The following EIF4E3 variants were observed in gnomAD, a reference collection of about 807,000 sequenced individuals.
EIF4E3 encodes eukaryotic translation initiation factor 4E family member 3.
Under a neutral mutation model 31.7 loss-of-function variants are expected in EIF4E3, and 26 were observed. The ratio of observed to expected loss-of-function variants is 0.82; its 90% confidence interval spans 0.60 to 1.14. EIF4E3 has a LOEUF of 1.14. EIF4E3 is among the 50% of genes most tolerant of loss of function. The probability of loss-of-function intolerance (pLI) is 0.00; values close to 1 mark genes in which losing one functional copy is unlikely to be tolerated. For synonymous variants in EIF4E3, 128 were observed against 107.7 expected (o/e 1.19, Z -1.17); for missense variants, 304 against 270.9 (o/e 1.12, Z -0.86).
At chr3:71,661,838 C>T in the EIF4E3 span, among the ~76,000 whole-genome samples, 3 of 152,208 alleles carry the variant, frequency 2.0e-5, no homozygotes, top group South Asian at 2.1e-4. Context: ...ATGCTTAACA[C>T]GAGTCTGGCA....
At position 71,682,729 on chromosome 3, in the gene EIF4E3, G is replaced by A. The variant is rs564544324; in HGVS notation, c.*1953C>T. 6.5e-6 allele frequency: 1 copy of A among 152,728 alleles called. No individual in the cohort carries two copies. Among genetic ancestry groups the A allele is most frequent in the African/African-American group, 2.4e-5 (1 of 41,564 alleles). The allele number at this position is 152,728 out of a possible 1,614,324, so 9.5% of individuals were successfully genotyped here. On this transcript the variant is annotated 3_prime_UTR_variant, in exon 7 of 7. Transcript: ENST00000425534. ...AAACAGAAACTAGAAATATTAACGT[G>A]AGCCTAACATTCCTATTTATTTTTA...
rs1425526337 is a variant in EIF4E3 at position 71,716,596 on chromosome 3, ATGT to A, written c.177-6115_177-6113del. On this transcript the variant is annotated intron_variant, in intron 1 of 6. Coordinates refer to ENST00000425534, the MANE Select transcript of EIF4E3 (RefSeq NM_001134651.2). ...CCAATAATTGAAAAGACCACATATC[ATGT>A]TGTACATGCATACATGATCTCCTTT... is the stretch of plus-strand genomic sequence containing the variant. Among the ~76,000 whole-genome samples the A allele has an allele frequency of 3.3e-5, 5 of 152,256 alleles. No individual in the cohort carries two copies. In the East Asian group the frequency reaches 9.6e-4, roughly 29 times the overall value.
rs1010892142 is a variant in EIF4E3 at position 71,679,301 on chromosome 3, T to C, written c.*5381A>G. On this transcript the variant is annotated 3_prime_UTR_variant, in exon 7 of 7. Transcript: ENST00000425534. ...ACACTCAATTTACTTCATGTTCAGT[T>C]CTATAATGCAAAGTTGACACTTTAA... is the stretch of plus-strand genomic sequence containing the variant. 7 of 152,212 alleles carry C rather than the reference T, an allele frequency of 4.6e-5. No individual in the cohort carries two copies. Among genetic ancestry groups the C allele is most frequent in the African/African-American group, 1.7e-4 (7 of 41,456 alleles). The allele number at this position is 152,212 out of a possible 1,614,324, so 9.4% of individuals were successfully genotyped here.
rs192827019 is a variant in EIF4E3 at position 71,687,396 on chromosome 3, T to C, written c.628+2614A>G. On this transcript the variant is annotated intron_variant, in intron 6 of 6. Transcript: ENST00000425534. ...ATTGCTCTATGCTGATAAAACTTTA[T>C]TTATGGACACTAAAATTTGATATTC... Among the ~76,000 whole-genome samples the C allele has an allele frequency of 2.5e-3, 383 of 152,358 alleles. 7 individuals carry two copies. Among genetic ancestry groups the C allele is most frequent in the Admixed American group, 0.021 (318 of 15,308 alleles).
chr3:71,754,453 C>G, upstream of EIF4E3: 1 of 1,336,996 alleles, frequency 7.5e-7, no homozygotes, highest in Non-Finnish European at 9.6e-7. This position sits in a 1 kb window ranked among gnomAD's most constrained non-coding sequence, Gnocchi z 5.8. Context: ...GAGCGCCTGG[C>G]CGGCTGGCCG....
intron 1 of EIF4E3, among the ~76,000 whole-genome samples, chr3:71,734,456 T>C (rs534820844): frequency 1.3e-5 from 2 of 152,310 alleles, no homozygotes; most frequent in East Asian, 3.9e-4. Context: ...CATGTCTGCT[T>C]GCCTTATTGG....
intron 5 of EIF4E3, among the ~76,000 whole-genome samples, chr3:71,691,493 G>GT (rs1298905359): frequency 1.2e-4 from 18 of 152,054 alleles, no homozygotes; most frequent in Admixed American, 9.8e-4. Flanking sequence ...GTCCACTTAC[G>GT]TAAATACTCA....
intron 1 of EIF4E3, among the ~76,000 whole-genome samples, chr3:71,710,961 A>T (rs2049370318): frequency 6.6e-6 from 1 of 152,216 alleles, no homozygotes; most frequent in African/African-American, 2.4e-5. Context: ...TGCCTACTTT[A>T]AAAAAAGTCA....
chr3:71,674,002 T>C (rs1000561456), downstream of EIF4E3, among the ~76,000 whole-genome samples: 4 of 147,056 alleles, frequency 2.7e-5, no homozygotes, highest in African/African-American at 7.5e-5. Context: ...AGTGACAAGT[T>C]TGAGTGTCTG....
chr3:71,685,498 G>A (rs1271571339), intron 6 of EIF4E3, among the ~76,000 whole-genome samples: 1 of 152,122 alleles, frequency 6.6e-6, no homozygotes. Context: ...GAGTAGCTGG[G>A]ATACAGGCGT....
At chr3:71,670,984 G>C (rs1329090143), downstream of EIF4E3, among the ~76,000 whole-genome samples, 2 of 152,072 alleles carry the variant, frequency 1.3e-5, no homozygotes, top group Admixed American at 6.6e-5. Context: ...CCCCAAGCGC[G>C]GAGAATGGGT....
At chr3:71,668,557 AAAC>A in the EIF4E3 span, among the ~76,000 whole-genome samples, 1 of 152,098 alleles carries the variant, frequency 6.6e-6, no homozygotes, top group Non-Finnish European at 1.5e-5. Context: ...AAGAAAAAAA[AAAC>A]AACCCCATCA....
intron 5 of EIF4E3, among the ~76,000 whole-genome samples, chr3:71,691,468 T>C (rs1426055578): frequency 6.6e-6 from 1 of 152,214 alleles, no homozygotes; most frequent in African/African-American, 2.4e-5. Flanking sequence ...GTGTATGACT[T>C]GACACTAAAA....
chr3:71,687,251 C>T (rs1426064255), intron 6 of EIF4E3, among the ~76,000 whole-genome samples: 1 of 152,134 alleles, frequency 6.6e-6, no homozygotes, highest in African/African-American at 2.4e-5. Context: ...ATCTGCCTGC[C>T]TCGGCCTCCC....
chr3:71,694,681 G>A (rs1031531930), intron 4 of EIF4E3, among the ~76,000 whole-genome samples: 3 of 152,148 alleles, frequency 2.0e-5, no homozygotes, highest in African/African-American at 7.2e-5. Context: ...GTGATTCACA[G>A]GCTCCAAATT....
chr3:71,674,223 C>T (rs188826297), downstream of EIF4E3, among the ~76,000 whole-genome samples: 24 of 149,332 alleles, frequency 1.6e-4, 1 homozygote, highest in African/African-American at 3.4e-4. Context: ...TCTTATGCCT[C>T]GGCCTCCTGA....
intron 2 of EIF4E3, among the ~76,000 whole-genome samples, chr3:71,699,979 C>T (rs1161538600): frequency 6.6e-6 from 1 of 152,134 alleles, no homozygotes; most frequent in Non-Finnish European, 1.5e-5. Flanking sequence ...TCGAGACCAA[C>T]CTGGGCAATG....
intron 2 of EIF4E3, among the ~76,000 whole-genome samples, chr3:71,703,016 C>T (rs1303897217): frequency 2.0e-5 from 3 of 152,136 alleles, no homozygotes; most frequent in African/African-American, 7.2e-5. Flanking sequence ...AGCCTTTAGG[C>T]TTATAATTAA....
intron 2 of EIF4E3, among the ~76,000 whole-genome samples, chr3:71,705,609 C>T (rs72949491): frequency 0.15 from 22,689 of 152,122 alleles, 1,828 homozygotes; most frequent in East Asian, 0.37. Context: ...AGGCGATACA[C>T]CAAATAACTG....
Sources: gnomAD v4.1 joint callset for allele counts (sites outside exome capture counted in the v4.1 genomes callset) on GRCh38, gnomAD v4.1.1 for gene constraint, Gnocchi (gnomAD v3.1) non-coding constraint, MANE v1.5 for transcripts, NCBI Gene and HGNC (gene_info 2026-07-23, HGNC 2026-07-21) for gene names.